The following RCOR2 variants were observed in gnomAD, a reference collection of about 807,000 sequenced individuals.
The protein encoded by RCOR2 is REST corepressor 2.
RCOR2 carries 19 observed loss-of-function variants against 58.9 expected under a neutral mutation model. That is an observed-to-expected ratio of 0.32 (90% CI 0.23 to 0.47). The LOEUF (loss-of-function observed/expected upper bound fraction) is 0.47. RCOR2 is among the 20% of genes least tolerant of loss of function. The pLI is 1.00. For missense variants in RCOR2, 590 were observed against 707.9 expected (o/e 0.83, Z 1.89); for synonymous variants, 286 against 278.7 (o/e 1.03, Z -0.26).
At chr11:63,925,315 C>T in the RCOR2 span, among the ~76,000 whole-genome samples, 1 of 152,192 alleles carries the variant, frequency 6.6e-6, no homozygotes, top group South Asian at 2.1e-4. Flanking sequence ...CCATGTGGTG[C>T]TATGGCGTTG....
rs751913331 is a variant in RCOR2, at chr11:63,916,441, C to G, written c.16G>C (p.Glu6Gln). MPSVMEKPSAGSGILS... is the reference protein window; with the variant it reads MPSVMQKPSAGSGILS... ...ATCCCAGAGCCCGCGCTCGGCTTCT[C>G]CATCACTGAGGGCATTACCCCGCCC... The change falls in exon 1 of 12, where the codon GAG becomes CAG. Residue 6 changes from glutamate (E) to glutamine (Q), a missense_variant. Physicochemically the swap from Glu to Gln is conservative, Grantham distance 29. Around this residue, in one of 3 missense-constraint regions of RCOR2, gnomAD observed 390 missense variants for 478.7 expected, o/e 0.81. Transcript: ENST00000301459. 1 of 1,608,426 alleles carries G rather than the reference C, an allele frequency of 6.2e-7. No individual in the cohort carries two copies.
In RCOR2 at chr11:63,913,937, A is replaced by G. The variant is rs756096055; in HGVS notation, c.891+17T>C. 6.2e-7 allele frequency: 1 copy of G among 1,612,696 alleles called. No homozygotes were observed. Among genetic ancestry groups the G allele is most frequent in the East Asian group, 2.2e-5 (1 of 44,876 alleles). ...AATGCCACCTTTGCATAGCCCGTTC[A>G]TTTCCCAGGGCCCCACCTGGCGCTT... On this transcript the variant is annotated intron_variant, in intron 8 of 11. Coordinates refer to ENST00000301459, the MANE Select transcript of RCOR2 (RefSeq NM_173587.4).
At chr11:63,914,201 G>A (rs201457090) in intron 7 of RCOR2, 32 bp from the exon 8 acceptor site, 9 of 1,613,094 alleles carry the variant, frequency 5.6e-6, no homozygotes, top group African/African-American at 5.3e-5. Context: ...GGTAGGTGGT[G>A]CAGAGCCAGA....
rs556492220 is a variant in RCOR2, at chr11:63,911,628, G to C, written c.*237C>G. The C allele has an allele frequency of 1.9e-6, 1 of 518,144 alleles. No homozygotes were observed. The highest frequency in any genetic ancestry group is 4.1e-5 in the East Asian group (1 of 24,554). 32.1% of individuals were successfully genotyped at this position (518,144 alleles called of 1,614,324 possible). On this transcript the variant is annotated 3_prime_UTR_variant, in exon 12 of 12. Coordinates refer to ENST00000301459, the MANE Select transcript of RCOR2 (RefSeq NM_173587.4). ...GCCATTCCAGTACCGGCCAGGAAGC[G>C]AAAGTGCCCTCAGGCCAGCTCAAAG...
chr11:63,926,054 C>T, the RCOR2 span, among the ~76,000 whole-genome samples: 2 of 152,116 alleles, frequency 1.3e-5, no homozygotes, highest in Admixed American at 6.6e-5. Context: ...GGATTACAGG[C>T]ACCCACCACC....
chr11:63,912,455 G>T lies in RCOR2; in HGVS notation c.1107C>A (p.Phe369Leu). The part of the protein sequence containing the change: ...GNKTLTQVKT[F>L]FVSYRRRFNL... ...TGAAGCGGCGCCGGTAGCTCACAAA[G>T]AAAGTCTTCACCTGGGTCAGAGTCT... is the stretch of plus-strand genomic sequence containing the variant. Residue 369 changes from phenylalanine to leucine, a missense_variant, in exon 11 of 12, where the codon TTC (phenylalanine) becomes TTA (leucine). This residue lies in a region of RCOR2 where 196 missense variants were observed against 210.7 expected (regional missense o/e 0.93). Transcript: ENST00000301459. 6.2e-7 allele frequency: 1 copy of T among 1,614,016 alleles called. No homozygotes were observed. Among genetic ancestry groups the T allele is most frequent in the Non-Finnish European group, 8.5e-7 (1 of 1,179,984 alleles).
Position 63,914,434 on chromosome 11 carries a change from G to A in RCOR2, c.588C>T (p.Arg196=). The change falls in exon 6 of 12, where the codon CGC becomes CGT. Residue 196 remains arginine, a synonymous_variant. Transcript: ENST00000301459. The part of the protein sequence containing the change: ...MDRQARRLGG[R]KDKEDSDELE... ...GCCCCCACCTGTCTTCTTTGTCCTT[G>A]CGGCCCCCCAGCCGCCGGGCCTGTC... is the stretch of plus-strand genomic sequence containing the variant. 2 of 1,613,472 alleles carry A rather than the reference G, an allele frequency of 1.2e-6. No homozygotes were observed. Among genetic ancestry groups the A allele is most frequent in the Non-Finnish European group, 1.7e-6 (2 of 1,180,008 alleles).
the RCOR2 span, among the ~76,000 whole-genome samples, chr11:63,924,162 C>T: frequency 6.6e-6 from 1 of 152,004 alleles, no homozygotes; most frequent in Non-Finnish European, 1.5e-5. Context: ...CCCACCTCAG[C>T]CTCCCAAAGT....
At chr11:63,913,766 G>A (rs1941814372) in intron 8 of RCOR2, among the ~76,000 whole-genome samples, 188 bp downstream of exon 8, 1 of 152,200 alleles carries the variant, frequency 6.6e-6, no homozygotes, top group South Asian at 2.1e-4. Context: ...ACAGGCGTGA[G>A]CCAGCGCACC....
upstream of RCOR2, among the ~76,000 whole-genome samples, chr11:63,920,210 T>C (rs1487686059): frequency 6.6e-6 from 1 of 152,212 alleles, no homozygotes; most frequent in Non-Finnish European, 1.5e-5. Context: ...AATGAATAAG[T>C]GTCGGAAGCC....
upstream of RCOR2, among the ~76,000 whole-genome samples, chr11:63,917,717 G>T (rs1005346636): frequency 2.6e-5 from 4 of 152,286 alleles, no homozygotes; most frequent in South Asian, 4.1e-4. Flanking sequence ...CCCAAGGGTC[G>T]CCCCAATTCC....
Position 63,914,079 on chromosome 11 carries a change from G to C in RCOR2, c.766C>G (p.Arg256Gly). The C allele has an allele frequency of 6.2e-7, 1 of 1,613,982 alleles. No homozygotes were observed. The highest frequency in any genetic ancestry group is 1.1e-5 in the South Asian group (1 of 91,084). ...SQYRHHPLRT[R>G]RRPPKGMYLS... ...TACATGCCCTTGGGTGGGCGACGCC[G>C]GGTTCGCAAGGGATGGTGGCGGTAC... Residue 256 changes from arginine to glycine, a missense_variant, in exon 8 of 12, where the codon CGG becomes GGG. Arg to Gly is a moderately radical substitution (Grantham distance 125, BLOSUM62 -2). Transcript: ENST00000301459.
the RCOR2 span, among the ~76,000 whole-genome samples, chr11:63,926,501 TTG>T: frequency 1.3e-4 from 12 of 90,094 alleles, no homozygotes; most frequent in East Asian, 1.5e-3. Context: ...TTTTTTTTTT[TTG>T]TTTGTTTGTT....
chr11:63,918,832 C>T (rs1358205477), upstream of RCOR2, among the ~76,000 whole-genome samples: 1 of 152,058 alleles, frequency 6.6e-6, no homozygotes, highest in African/African-American at 2.4e-5. Flanking sequence ...TTGCCTCCTT[C>T]CCAGACTCAA....
upstream of RCOR2, among the ~76,000 whole-genome samples, chr11:63,919,588 G>T (rs1941902861): frequency 6.6e-6 from 1 of 152,226 alleles, no homozygotes; most frequent in South Asian, 2.1e-4. Context: ...GGAACATGGG[G>T]GTGTGGGAGG....
chr11:63,915,528 C>A, intron 2 of RCOR2, 27 bp downstream of exon 2: 1 of 1,550,844 alleles, frequency 6.4e-7, no homozygotes, highest in Non-Finnish European at 8.7e-7. Flanking sequence ...ACCCCCACCC[C>A]ACTTCACAGC....
upstream of RCOR2, among the ~76,000 whole-genome samples, chr11:63,921,964 C>T (rs370327199): frequency 6.4e-4 from 98 of 152,312 alleles, no homozygotes; most frequent in African/African-American, 2.2e-3. Context: ...GAGGTGGGAC[C>T]TTTGGGCATG....
chr11:63,920,955 C>T (rs182476557), upstream of RCOR2, among the ~76,000 whole-genome samples: 248 of 152,168 alleles, frequency 1.6e-3, no homozygotes, highest in African/African-American at 5.6e-3. Flanking sequence ...GGCAATCTGG[C>T]GCTTGGCACC....
intron 2 of RCOR2, 123 bp downstream of exon 2, chr11:63,915,432 G>GCCA: frequency 8.5e-7 from 1 of 1,183,348 alleles, no homozygotes; most frequent in South Asian, 1.3e-5. Context: ...CATGCTGGGG[G>GCCA]GCCACCCACC....
Sources: gnomAD v4.1 joint callset for allele counts (sites outside exome capture counted in the v4.1 genomes callset) on GRCh38, gnomAD v4.1.1 for gene constraint, gnomAD v4.1.1 regional missense constraint, MANE v1.5 for transcripts, NCBI Gene and HGNC (gene_info 2026-07-23, HGNC 2026-07-21) for gene names.